SKAP1: variants seen among roughly 807,000 people sequenced by gnomAD.
SKAP1 encodes the protein src kinase-associated phosphoprotein 1.
SKAP1 carries 44 observed loss-of-function variants against 58.5 expected under a neutral mutation model. The observed-to-expected ratio is 0.75, with a 90% CI of 0.59 to 0.97. SKAP1 has a LOEUF of 0.97. Among genes scored for constraint, SKAP1 ranks in the 50% least tolerant of loss-of-function variants. SKAP1 has a pLI of 0.00. For missense variants in SKAP1, 390 were observed against 435.2 expected, an observed-to-expected ratio of 0.90 and a Z score of 0.92; for synonymous variants, 127 against 149.7, an observed-to-expected ratio of 0.85 and a Z score of 1.11.
chr17:48,201,114 A>G (rs1442484447), intron 4 of SKAP1, among the ~76,000 whole-genome samples: 1 of 152,228 alleles, frequency 6.6e-6, no homozygotes, highest in Non-Finnish European at 1.5e-5. Flanking sequence ...GATTTTGCCA[A>G]GACAACAAGG....
intron 4 of SKAP1, among the ~76,000 whole-genome samples, chr17:48,241,278 G>A (rs866949073): frequency 6.6e-6 from 1 of 152,064 alleles, no homozygotes; most frequent in Non-Finnish European, 1.5e-5. Context: ...CGGGCAAGAG[G>A]CCTGATGAAT....
intron 1 of SKAP1, among the ~76,000 whole-genome samples, chr17:48,404,223 C>A (rs1033706830): frequency 2.6e-5 from 4 of 152,104 alleles, no homozygotes; most frequent in African/African-American, 9.6e-5. Context: ...GTGGCCGAGG[C>A]GGGCGGATCA....
chr17:48,195,161 T>C (rs1478684005), intron 4 of SKAP1, among the ~76,000 whole-genome samples: 1 of 152,238 alleles, frequency 6.6e-6, no homozygotes, highest in African/African-American at 2.4e-5. Flanking sequence ...TTTGTGCATT[T>C]GATTTCTGTG....
intron 4 of SKAP1, among the ~76,000 whole-genome samples, chr17:48,217,030 A>C (rs931390829): frequency 2.0e-5 from 3 of 152,174 alleles, no homozygotes; most frequent in African/African-American, 7.2e-5. Context: ...CCTAAAGTAC[A>C]TCTCAGGTAA....
At chr17:48,256,759 C>A (rs988840777) in intron 4 of SKAP1, among the ~76,000 whole-genome samples, 1 of 151,804 alleles carries the variant, frequency 6.6e-6, no homozygotes, top group African/African-American at 2.4e-5. Context: ...GCTCCTTTGG[C>A]AATTGAAGGT....
At chr17:48,289,833 T>C (rs1219509815) in intron 4 of SKAP1, among the ~76,000 whole-genome samples, 1 of 152,030 alleles carries the variant, frequency 6.6e-6, no homozygotes, top group Non-Finnish European at 1.5e-5. Flanking sequence ...GAAGACTACG[T>C]CATATTACAA....
intron 1 of SKAP1, among the ~76,000 whole-genome samples, chr17:48,427,504 A>G (rs1349347090): frequency 1.3e-5 from 2 of 151,986 alleles, no homozygotes; most frequent in African/African-American, 4.8e-5. Flanking sequence ...CGAGTGAAAC[A>G]TTTCCAAGTG....
intron 4 of SKAP1, among the ~76,000 whole-genome samples, chr17:48,198,819 A>G (rs1430242479): frequency 1.3e-5 from 2 of 152,218 alleles, no homozygotes; most frequent in African/African-American, 4.8e-5. Context: ...ATAGAACCGC[A>G]AAAGACCTGA....
chr17:48,270,540 T>TC (rs1721369782), intron 4 of SKAP1, among the ~76,000 whole-genome samples: 1 of 151,794 alleles, frequency 6.6e-6, no homozygotes, highest in Admixed American at 6.6e-5. Context: ...ATGGGGTTTC[T>TC]CCATGTTGGC....
intron 4 of SKAP1, among the ~76,000 whole-genome samples, chr17:48,252,114 G>A (rs1248945921): frequency 6.6e-6 from 1 of 152,182 alleles, no homozygotes; most frequent in Non-Finnish European, 1.5e-5. Context: ...CTTTCTGAGC[G>A]ATTATGACTT....
At chr17:48,434,915 G>A (rs2067932742), upstream of SKAP1, among the ~76,000 whole-genome samples, 1 of 152,126 alleles carries the variant, frequency 6.6e-6, no homozygotes, top group Admixed American at 6.5e-5. Flanking sequence ...TTGAGGCAGG[G>A]GGATCACTTG....
At chr17:48,337,699 T>G (rs909173272) in intron 4 of SKAP1, among the ~76,000 whole-genome samples, 2 of 152,220 alleles carry the variant, frequency 1.3e-5, no homozygotes, top group Non-Finnish European at 2.9e-5. Context: ...CTTTATAAAC[T>G]ATACCACTTC....
At chr17:48,365,052 T>G (rs2066984707) in intron 2 of SKAP1, among the ~76,000 whole-genome samples, 2 of 152,126 alleles carry the variant, frequency 1.3e-5, no homozygotes. Context: ...CCTAGATGCT[T>G]ACACACATTA....
intron 9 of SKAP1, 127 bp downstream of exon 9, chr17:48,179,927 A>G (rs867013718): frequency 1.2e-6 from 1 of 853,056 alleles, no homozygotes; most frequent in African/African-American, 1.7e-5. Flanking sequence ...AAAGCGTCCC[A>G]CATTATCTCC....
chr17:48,361,197 C>T (rs190769021), intron 3 of SKAP1, among the ~76,000 whole-genome samples: 2 of 150,004 alleles, frequency 1.3e-5, no homozygotes, highest in African/African-American at 4.9e-5. Context: ...ATAAGGCTGC[C>T]TTGGTTTTTT....
intron 4 of SKAP1, among the ~76,000 whole-genome samples, chr17:48,294,105 A>G (rs1281905019): frequency 2.6e-5 from 4 of 152,202 alleles, no homozygotes; most frequent in Non-Finnish European, 4.4e-5. Context: ...CACCTACAGA[A>G]TCACCATTTG....
the SKAP1 span, among the ~76,000 whole-genome samples, chr17:48,436,668 T>C: frequency 5.9e-5 from 9 of 152,066 alleles, no homozygotes; most frequent in African/African-American, 2.2e-4. Context: ...AAGATCTTCC[T>C]TTCACCCCTC....
At chr17:48,174,396 ACAG>A (rs2064260259) in intron 9 of SKAP1, among the ~76,000 whole-genome samples, 2 of 152,196 alleles carry the variant, frequency 1.3e-5, no homozygotes, top group African/African-American at 4.8e-5. Context: ...AACACCATTC[ACAG>A]CTGGTTGTGA....
chr17:48,407,048 A>C (rs1173835643), intron 1 of SKAP1, among the ~76,000 whole-genome samples: 1 of 152,176 alleles, frequency 6.6e-6, no homozygotes, highest in Non-Finnish European at 1.5e-5. Context: ...ACTTGATATT[A>C]AAAAGAGTAA....
Sources: gnomAD v4.1 joint callset for allele counts (sites outside exome capture counted in the v4.1 genomes callset) on GRCh38, gnomAD v4.1.1 for gene constraint, MANE v1.5 for transcripts, NCBI Gene and HGNC (gene_info 2026-07-23, HGNC 2026-07-21) for gene names.